The following SERINC1 variants were observed in gnomAD, a reference collection of about 807,000 sequenced individuals.
SERINC1 encodes the protein tumor differentially expressed protein 2.
Under a neutral mutation model 52.9 loss-of-function variants are expected in SERINC1, and 38 were observed. That is an observed-to-expected ratio of 0.72 (90% CI 0.55 to 0.94). SERINC1 has a LOEUF of 0.94. SERINC1 is among the 40% of genes least tolerant of loss of function. The pLI, the probability that SERINC1 is intolerant of heterozygous loss-of-function variation, is 0.00. For missense variants in SERINC1, 471 were observed against 533.9 expected, an observed-to-expected ratio of 0.88 and a Z score of 1.16; for synonymous variants, 198 against 183.1, an observed-to-expected ratio of 1.08 and a Z score of -0.66.
At chr6:122,445,228 T>C (rs1364255421) in intron 9 of SERINC1, 49 bp from the exon 10 acceptor site, 1 of 1,574,080 alleles carries the variant, frequency 6.4e-7, no homozygotes, top group Non-Finnish European at 8.7e-7. Flanking sequence ...GGTTGAATTA[T>C]CAGCCACCAA....
At chr6:122,451,776 A>AAAAAAAAAAAATATATATATATATAT in intron 6 of SERINC1, 22 bp from the exon 7 acceptor site, 34 of 113,036 alleles carry the variant, frequency 3.0e-4, no homozygotes, top group Admixed American at 6.4e-4. Flanking sequence ...AAAAAAAAAA[A>AAAAAAAAAAAATATATATATATATAT]ATATATATAT....
intron 7 of SERINC1, 38 bp downstream of exon 7, chr6:122,451,626 C>G: frequency 1.3e-6 from 1 of 772,196 alleles, no homozygotes. Context: ...ACAACAACTG[C>G]AGAACCTTTA....
In SERINC1 at chr6:122,446,896, C is replaced by T. The variant is rs774107254; in HGVS notation, c.1104G>A (p.Gly368=). The change falls in exon 9 of 10, where the codon GGG becomes GGA. Residue 368 remains glycine, a synonymous_variant. Transcript: ENST00000339697. The stretch of plus-strand genomic sequence containing the variant: ...TATCTACAGCTCGGTGAACATCGTC[C>T]CCATCCTCCAGTGATCCATCACTTC... ...GARSDGSLED[G]DDVHRAVDNE... 1.2e-6 allele frequency: 2 copies of T among 1,613,154 alleles called. No homozygotes were observed. The highest frequency in any genetic ancestry group is 2.2e-5 in the South Asian group (2 of 91,048).
intron 1 of SERINC1, among the ~76,000 whole-genome samples, chr6:122,465,742 A>G (rs999020480): frequency 6.6e-5 from 10 of 152,332 alleles, no homozygotes; most frequent in African/African-American, 2.4e-4. Flanking sequence ...AAGATCAATG[A>G]AAGTGGGAGG....
chr6:122,454,243 G>C lies in SERINC1; in HGVS notation c.372-13C>G, dbSNP rs1480470898. 7.1e-7 allele frequency: 1 copy of C among 1,408,304 alleles called. No individual in the cohort carries two copies. Among genetic ancestry groups the C allele is most frequent in the African/African-American group, 1.5e-5 (1 of 68,586 alleles). 87.2% of individuals were successfully genotyped at this position (1,408,304 alleles called of 1,614,324 possible). A position where few individuals can be genotyped will look rare whatever the true frequency, so the allele number is the denominator to read the frequency against. On this transcript the variant is annotated splice_polypyrimidine_tract_variant and intron_variant, in intron 3 of 9. Coordinates refer to ENST00000339697, the MANE Select transcript of SERINC1 (RefSeq NM_020755.4). ...AAAGAACCAAAATCTAAAACAAAAA[G>C]AAATATAATTTTTTATTAATAGACA...
chr6:122,447,080 G>A, intron 8 of SERINC1, 41 bp downstream of exon 8: 1 of 1,590,246 alleles, frequency 6.3e-7, no homozygotes, highest in Non-Finnish European at 8.6e-7. Flanking sequence ...TAAACAGCTA[G>A]ACTTCTTGTT....
At chr6:122,450,904 T>C (rs1774891960) in intron 7 of SERINC1, among the ~76,000 whole-genome samples, 1 of 152,178 alleles carries the variant, frequency 6.6e-6, no homozygotes, top group African/African-American at 2.4e-5. Context: ...AAGTAGTTTT[T>C]TGAGATGGAA....
chr6:122,458,372 T>C (rs573493747), intron 2 of SERINC1, 148 bp downstream of exon 2: 26 of 493,026 alleles, frequency 5.3e-5, no homozygotes, highest in Non-Finnish European at 9.1e-5. Flanking sequence ...GTATATTATC[T>C]TTTTCCTAAA....
At chr6:122,467,624 A>T (rs538558571) in intron 1 of SERINC1, among the ~76,000 whole-genome samples, 1 of 152,310 alleles carries the variant, frequency 6.6e-6, no homozygotes, top group East Asian at 1.9e-4. Context: ...AAAGAAAGCA[A>T]ACCAATGAAC....
At chr6:122,451,485 A>G (rs1308057590) in intron 7 of SERINC1, among the ~76,000 whole-genome samples, 179 bp downstream of exon 7, 1 of 152,054 alleles carries the variant, frequency 6.6e-6, no homozygotes, top group Non-Finnish European at 1.5e-5. Context: ...TAACCTTCTT[A>G]TAATTTTGTT....
rs1774914949 is a variant in SERINC1, at chr6:122,451,929, A to C, written c.718T>G (p.Cys240Gly). 1 of 1,596,620 alleles carries C rather than the reference A, an allele frequency of 6.3e-7. No individual in the cohort carries two copies. The highest frequency in any genetic ancestry group is 1.4e-5 in the African/African-American group (1 of 73,482). ...KAFISVNMLL[C>G]VGASVMSILP... is the part of the protein sequence containing the mutation. ...ATAGACATTACAGAAGCACCAACGC[A>C]GAGGAGCATGTTGACACTGATGAAC... is the stretch of plus-strand genomic sequence containing the variant. Residue 240 changes from cysteine to glycine, a missense_variant, in exon 6 of 10, where the codon TGC (cysteine) becomes GGC (glycine). Coordinates refer to ENST00000339697, the MANE Select transcript of SERINC1 (RefSeq NM_020755.4).
chr6:122,451,566 A>C, intron 7 of SERINC1, 98 bp downstream of exon 7: 1 of 457,660 alleles, frequency 2.2e-6, no homozygotes, highest in Non-Finnish European at 4.0e-6. Context: ...TTCCTCTAGA[A>C]GCCTAATTTT....
In SERINC1 at chr6:122,462,789, C is replaced by G. The variant is rs576802950; in HGVS notation, c.40-4108G>C. Among the ~76,000 whole-genome samples the G allele has an allele frequency of 3.3e-5, 5 of 152,150 alleles. No homozygotes were observed. The South Asian group carries it at 1.0e-3, about 32-fold the overall frequency. ...AAATCTAACAAAACATAGACAAGAT[C>G]TCAAATAATGAAAACTACAAAACAT... On this transcript the variant is annotated intron_variant, in intron 1 of 9. Transcript: ENST00000339697.
chr6:122,446,483 A>G (rs1049941124), intron 9 of SERINC1, among the ~76,000 whole-genome samples: 15 of 152,198 alleles, frequency 9.9e-5, no homozygotes, highest in Non-Finnish European at 1.8e-4. Flanking sequence ...CAGAATTGAA[A>G]AAAAAAATGT....
chr6:122,460,234 G>A (rs1172043197), intron 1 of SERINC1, among the ~76,000 whole-genome samples: 1 of 152,064 alleles, frequency 6.6e-6, no homozygotes, highest in African/African-American at 2.4e-5. Context: ...CACCACACCC[G>A]GCTAATTTTT....
chr6:122,466,656 G>T (rs77790463), intron 1 of SERINC1, among the ~76,000 whole-genome samples: 1,894 of 152,118 alleles, frequency 0.012, 44 homozygotes, highest in African/African-American at 0.044. Flanking sequence ...AAATTCAACA[G>T]AAGTCCAATC....
chr6:122,466,000 C>T (rs9375139), intron 1 of SERINC1, among the ~76,000 whole-genome samples: 19,593 of 152,020 alleles, frequency 0.13, 1,384 homozygotes, highest in East Asian at 0.21. Flanking sequence ...CTTTGGGAGG[C>T]TGAGGCTGGC....
chr6:122,467,637 A>G lies in SERINC1; in HGVS notation c.39+4062T>C, dbSNP rs73543199. Reference sequence around the variant, plus strand: ...GAAAAGAAAGCAAACCAATGAACAAAAAATGTTGTGCATGAAAGGAAAAGT... The same window carrying G: ...GAAAAGAAAGCAAACCAATGAACAAGAAATGTTGTGCATGAAAGGAAAAGT... On this transcript the variant is annotated intron_variant, in intron 1 of 9. Coordinates refer to ENST00000339697, the MANE Select transcript of SERINC1 (RefSeq NM_020755.4). Among the ~76,000 whole-genome samples, 265 of 152,340 alleles carry G rather than the reference A, an allele frequency of 1.7e-3. 1 individual carries two copies. Among genetic ancestry groups the G allele is most frequent in the African/African-American group, 5.8e-3 (242 of 41,578 alleles).
chr6:122,460,165 C>G (rs376031846), intron 1 of SERINC1, among the ~76,000 whole-genome samples: 430 of 152,240 alleles, frequency 2.8e-3, no homozygotes, highest in African/African-American at 9.8e-3. Flanking sequence ...CCACCCACTC[C>G]GGGTTCAAGG....
Sources: gnomAD v4.1 joint callset for allele counts (sites outside exome capture counted in the v4.1 genomes callset) on GRCh38, gnomAD v4.1.1 for gene constraint, MANE v1.5 for transcripts, NCBI Gene and HGNC (gene_info 2026-07-23, HGNC 2026-07-21) for gene names.